The following HLA-DRB5 variants were observed in gnomAD, a reference collection of about 807,000 sequenced individuals.
The protein encoded by HLA-DRB5 is major histocompatibility complex, class II, DR beta 5, also known as DR beta-5.
HLA-DRB5 carries 11 observed loss-of-function variants against 22.4 expected under a neutral mutation model. The ratio of observed to expected loss-of-function variants is 0.49; its 90% confidence interval spans 0.31 to 0.81. HLA-DRB5 has a LOEUF of 0.81. HLA-DRB5 is among the 40% of genes least tolerant of loss of function. HLA-DRB5 has a pLI of 0.05. For synonymous variants in HLA-DRB5, 57 were observed against 106.0 expected, an observed-to-expected ratio of 0.54 and a Z score of 2.84; for missense variants, 106 against 274.4, an observed-to-expected ratio of 0.39 and a Z score of 4.34.
chr6:32,526,025 C>T (rs1185459208), intron 1 of HLA-DRB5, among the ~76,000 whole-genome samples: 11 of 65,044 alleles, frequency 1.7e-4, no homozygotes, highest in East Asian at 3.7e-4. Context: ...TGCTTCTCTT[C>T]AGCCTCTTTA....
At chr6:32,525,416 T>C (rs796340501) in intron 1 of HLA-DRB5, among the ~76,000 whole-genome samples, 1,198 of 37,138 alleles carry the variant, frequency 0.032, 3 homozygotes, top group Admixed American at 0.044. Context: ...GCTCACATTA[T>C]TTTTTCTATT....
At chr6:32,524,760 C>T (rs988197999) in intron 1 of HLA-DRB5, among the ~76,000 whole-genome samples, 1,985 of 98,524 alleles carry the variant, frequency 0.02, 19 homozygotes, top group East Asian at 0.13. Context: ...CTGTGGCTTG[C>T]ATGGCTAGCA....
rs137863146 is a variant in HLA-DRB5 at position 32,522,094 on chromosome 6, A to G, written c.181T>C (p.Tyr61His). 0.26 allele frequency: 285,280 copies of G among 1,105,936 alleles called. 50,425 individuals are homozygous for G. The highest frequency in any genetic ancestry group is 0.36 in the South Asian group (23,460 of 64,528). 68.5% of individuals were successfully genotyped at this position (1,105,936 alleles called of 1,614,324 possible). A position where few individuals can be genotyped will look rare whatever the true frequency, so the allele number is the denominator to read the frequency against. The change falls in exon 2 of 6, where the codon TAT becomes CAT. Residue 61 changes from tyrosine (Y) to histidine (H), a missense_variant. By Grantham distance (83) the Tyr-to-His change is moderately conservative (BLOSUM62 2). Coordinates refer to ENST00000374975, the MANE Select transcript of HLA-DRB5 (RefSeq NM_002125.4). ...ERVRFLHRDIYNQEEDLRFDS... is the reference protein window; with the variant it reads ...ERVRFLHRDIHNQEEDLRFDS... The stretch of plus-strand genomic sequence containing the variant: ...AAGCGCAAGTCCTCCTCTTGGTTAT[A>G]GATGTCTCTGTGCAGGAACCGCACC...
At chr6:32,525,764 T>A (rs112392035) in intron 1 of HLA-DRB5, among the ~76,000 whole-genome samples, 28,026 of 131,856 alleles carry the variant, frequency 0.21, 44 homozygotes, top group Admixed American at 0.26. Context: ...CATACTGAAA[T>A]TCATAGGCCT....
Position 32,521,811 on chromosome 6 carries a change from T to TCTCA in HLA-DRB5, c.370+93_370+94insTGAG, listed in dbSNP as rs879229020. ...CTCTGTCTCTCTCTTCCTCTCTCTC[T>TCTCA]CACACACACACACACACACACACAC... On this transcript the variant is annotated intron_variant, in intron 2 of 5. Transcript: ENST00000374975. 3.6e-4 allele frequency: 90 copies of TCTCA among 249,302 alleles called. 1 individual carries two copies. Among genetic ancestry groups the TCTCA allele is most frequent in the South Asian group, 8.2e-4 (21 of 25,690 alleles). The allele number at this position is 249,302 out of a possible 1,614,324, so 15.4% of individuals were successfully genotyped here.
intron 1 of HLA-DRB5, among the ~76,000 whole-genome samples, chr6:32,524,724 A>T (rs190934367): frequency 0.18 from 16,270 of 89,822 alleles, 410 homozygotes; most frequent in African/African-American, 0.22. Context: ...AATGTTAAAA[A>T]ATAAACATTT....
At chr6:32,524,389 T>C (rs1769330396) in intron 1 of HLA-DRB5, among the ~76,000 whole-genome samples, 2 of 126,746 alleles carry the variant, frequency 1.6e-5, no homozygotes, top group Non-Finnish European at 3.4e-5. Flanking sequence ...ACCACAGCTA[T>C]TTTATTCCCA....
intron 1 of HLA-DRB5, among the ~76,000 whole-genome samples, chr6:32,524,765 C>G (rs74870936): frequency 0.2 from 14,255 of 71,064 alleles, 1,526 homozygotes; most frequent in African/African-American, 0.23. Context: ...GCTTGCATGG[C>G]TAGCACTGTA....
rs1199933021 is a variant in HLA-DRB5, at chr6:32,530,118, C to T, written c.100+7G>A. ...ATAGTAGCTCAGCACCCACAATGTG[C>T]ACTTACGTCGGGTGTCCCCAGCCAA... On this transcript the variant is annotated splice_region_variant and intron_variant, in intron 1 of 5. Coordinates refer to ENST00000374975, the MANE Select transcript of HLA-DRB5 (RefSeq NM_002125.4). The T allele has an allele frequency of 6.5e-7, 1 of 1,540,292 alleles. No homozygotes were observed. Among genetic ancestry groups the T allele is most frequent in the Non-Finnish European group, 8.9e-7 (1 of 1,121,642 alleles).
intron 1 of HLA-DRB5, among the ~76,000 whole-genome samples, chr6:32,527,162 A>T (rs1279172837): frequency 7.8e-6 from 1 of 127,842 alleles, no homozygotes; most frequent in South Asian, 2.8e-4. Flanking sequence ...CCACTTGTCA[A>T]CCCCAACAAT....
chr6:32,519,052 A>G lies in HLA-DRB5; in HGVS notation c.652+318T>C, dbSNP rs565814179. On this transcript the variant is annotated intron_variant, in intron 3 of 5. Coordinates refer to ENST00000374975, the MANE Select transcript of HLA-DRB5 (RefSeq NM_002125.4). ...CAGATCACAACAAATAACTCAGATCAACAGCACCAGAAACACAGTCTCAGA... is the reference window on the plus strand; with the variant it reads ...CAGATCACAACAAATAACTCAGATCGACAGCACCAGAAACACAGTCTCAGA... 3.0e-5 allele frequency among the ~76,000 whole-genome samples: 4 copies of G among 132,344 alleles called. No homozygotes were observed. In the East Asian group the frequency reaches 8.4e-4, roughly 28 times the overall value. 86.8% of individuals were successfully genotyped at this position (132,344 alleles called of 152,430 possible). A position where few individuals can be genotyped will look rare whatever the true frequency, so the allele number is the denominator to read the frequency against.
intron 1 of HLA-DRB5, among the ~76,000 whole-genome samples, chr6:32,528,479 T>C (rs868444717): frequency 0.017 from 694 of 40,954 alleles, 6 homozygotes; most frequent in Middle Eastern, 0.033. Flanking sequence ...GCAAGGATCC[T>C]GGAAAGCAAG....
intron 3 of HLA-DRB5, among the ~76,000 whole-genome samples, 154 bp downstream of exon 3, chr6:32,519,215 CT>C (rs1479199591): frequency 0.14 from 8,285 of 61,002 alleles, 33 homozygotes; most frequent in Middle Eastern, 0.24. Context: ...TTTCTAGAAA[CT>C]ATACAGGGCT....
intron 2 of HLA-DRB5, among the ~76,000 whole-genome samples, chr6:32,520,111 T>G (rs572132946): frequency 2.4e-4 from 11 of 45,566 alleles, no homozygotes; most frequent in East Asian, 5.5e-4. Context: ...ATAAAATATA[T>G]AAAACAATGA....
intron 1 of HLA-DRB5, among the ~76,000 whole-genome samples, chr6:32,524,884 C>T (rs192024095): frequency 0.013 from 535 of 40,404 alleles, 64 homozygotes; most frequent in African/African-American, 0.015. Context: ...GTCTGAAATT[C>T]AGATTTAACT....
intron 1 of HLA-DRB5, 43 bp from the exon 2 acceptor site, chr6:32,522,217 G>A (rs188812628): frequency 0.16 from 82,174 of 501,784 alleles, 26,316 homozygotes; most frequent in Admixed American, 0.35. Context: ...CGGCCTCCGG[G>A]GAAGATACTG....
At chr6:32,524,858 T>G (rs143750004) in intron 1 of HLA-DRB5, among the ~76,000 whole-genome samples, 2,207 of 47,572 alleles carry the variant, frequency 0.046, 45 homozygotes, top group Non-Finnish European at 0.064. Context: ...GGATTTCCAA[T>G]AAATTGTGGT....
rs879229020 is a variant in HLA-DRB5, at chr6:32,521,811, T to TCTCACA, written c.370+93_370+94insTGTGAG. On this transcript the variant is annotated intron_variant, in intron 2 of 5. Transcript: ENST00000374975. Reference sequence around the variant, plus strand: ...CTCTGTCTCTCTCTTCCTCTCTCTCTCACACACACACACACACACACACAC... The same window carrying TCTCACA: ...CTCTGTCTCTCTCTTCCTCTCTCTCTCTCACACACACACACACACACACACACACAC... 273 of 249,332 alleles carry TCTCACA rather than the reference T, an allele frequency of 1.1e-3. 3 individuals carry two copies. The highest frequency in any genetic ancestry group is 4.8e-3 in the Middle Eastern group (4 of 836). 15.4% of individuals were successfully genotyped at this position (249,332 alleles called of 1,614,324 possible). A position where few individuals can be genotyped will look rare whatever the true frequency, so the allele number is the denominator to read the frequency against.
intron 1 of HLA-DRB5, among the ~76,000 whole-genome samples, chr6:32,523,828 G>A (rs879519400): frequency 0.14 from 12,965 of 94,368 alleles, 108 homozygotes; most frequent in Non-Finnish European, 0.14. Flanking sequence ...AGAATTTTCA[G>A]AAAGAGCACA....
Sources: allele counts gnomAD v4.1 joint callset (sites outside exome capture counted in the v4.1 genomes callset), GRCh38; gene constraint gnomAD v4.1.1; transcripts MANE v1.5; gene names NCBI Gene and HGNC (gene_info 2026-07-23, HGNC 2026-07-21).